FRMPD2: variants seen among roughly 807,000 people sequenced by gnomAD.
FRMPD2 encodes FERM and PDZ domain-containing protein 2.
In FRMPD2, 96 loss-of-function variants were observed where a neutral mutation model predicts 140.1. The ratio of observed to expected loss-of-function variants is 0.69; its 90% CI spans 0.58 to 0.81. The LOEUF (loss-of-function observed/expected upper bound fraction) is 0.81, where lower values mean the gene tolerates loss of function less well. Among genes scored for constraint, FRMPD2 ranks in the 40% least tolerant of loss-of-function variants. The pLI is 0.00. For synonymous variants in FRMPD2, 449 were observed against 547.6 expected (o/e 0.82, Z 2.52); for missense variants, 1,240 against 1,447.4 (o/e 0.86, Z 2.32).
chr10:48,225,044 T>A (rs1228570827), intron 10 of FRMPD2, among the ~76,000 whole-genome samples: 1 of 152,126 alleles, frequency 6.6e-6, no homozygotes, highest in African/African-American at 2.4e-5. Context: ...ATCATACAAG[T>A]TCGTGAGCTT....
chr10:48,173,701 C>T (rs1160141334), intron 24 of FRMPD2, among the ~76,000 whole-genome samples: 5 of 152,134 alleles, frequency 3.3e-5, no homozygotes, highest in African/African-American at 1.2e-4. Context: ...ACCTAAGACC[C>T]AAACCCATGG....
intron 10 of FRMPD2, among the ~76,000 whole-genome samples, chr10:48,224,677 C>T (rs561965206): frequency 2.0e-5 from 3 of 152,262 alleles, no homozygotes; most frequent in African/African-American, 7.2e-5. Flanking sequence ...GAGGTAGTCA[C>T]CTTTGAGTGA....
At chr10:48,254,193 T>C (rs769444876) in intron 1 of FRMPD2, among the ~76,000 whole-genome samples, 4 of 152,230 alleles carry the variant, frequency 2.6e-5, no homozygotes, top group Non-Finnish European at 5.9e-5. Context: ...TGGAATGTTA[T>C]GATCTGTCCG....
chr10:48,274,141 C>T (rs1564446481), intron 1 of FRMPD2, among the ~76,000 whole-genome samples: 2 of 152,186 alleles, frequency 1.3e-5, no homozygotes, highest in African/African-American at 4.8e-5. Flanking sequence ...AAGTGCCTTA[C>T]GCGTGTCACC....
intron 20 of FRMPD2, among the ~76,000 whole-genome samples, chr10:48,184,049 T>C (rs190043005): frequency 2.0e-5 from 3 of 152,076 alleles, no homozygotes; most frequent in Admixed American, 1.3e-4. Context: ...ATGGTCTGTA[T>C]AGCAACCCCT....
At chr10:48,239,173 G>A (rs1840040872) in intron 7 of FRMPD2, among the ~76,000 whole-genome samples, 1 of 152,240 alleles carries the variant, frequency 6.6e-6, no homozygotes, top group Admixed American at 6.5e-5. Context: ...CAAAAAGGCA[G>A]GAAGGCTTTC....
At chr10:48,160,269 G>A (rs1554790634) in intron 28 of FRMPD2, among the ~76,000 whole-genome samples, 9 of 151,670 alleles carry the variant, frequency 5.9e-5, no homozygotes, top group Non-Finnish European at 1.0e-4. Flanking sequence ...GATATAGAGT[G>A]TGAGAAAAGA....
chr10:48,192,180 A>C (rs1478864899), intron 16 of FRMPD2, among the ~76,000 whole-genome samples: 5 of 152,206 alleles, frequency 3.3e-5, no homozygotes, highest in African/African-American at 1.2e-4. Flanking sequence ...TTGGCCCTAG[A>C]GTGTTTAACA....
chr10:48,217,462 C>A (rs1839477319), intron 12 of FRMPD2, among the ~76,000 whole-genome samples: 1 of 152,138 alleles, frequency 6.6e-6, no homozygotes, highest in African/African-American at 2.4e-5. Context: ...GAAAGCAAGA[C>A]AATGTTGGGA....
At chr10:48,185,410 A>T (rs1374436713) in intron 18 of FRMPD2, 143 bp downstream of exon 18, 14 of 632,640 alleles carry the variant, frequency 2.2e-5, no homozygotes, top group African/African-American at 3.7e-5. Flanking sequence ...GGAGAAAAAA[A>T]ACAGAAGTGA....
At chr10:48,237,102 A>G (rs74130209) in intron 8 of FRMPD2, among the ~76,000 whole-genome samples, 5,172 of 149,764 alleles carry the variant, frequency 0.035, 237 homozygotes, top group African/African-American at 0.11. Flanking sequence ...TTTACAGGTG[A>G]GGAAGTTGAG....
In FRMPD2 at chr10:48,187,160, C is replaced by T. The variant is rs762460365; in HGVS notation, c.2266+32G>A. On this transcript the variant is annotated intron_variant, in intron 17 of 28. Transcript: ENST00000374201. ...CAAGCTTCCTGCGTAGGGGTTCCTC[C>T]ACCCAAGACCTGGTCGTGGCCTGGC... is the stretch of plus-strand genomic sequence containing the variant. 8.0e-6 allele frequency: 12 copies of T among 1,504,544 alleles called. 1 individual carries two copies. The South Asian group carries it at 1.3e-4, about 16-fold the overall frequency. 93.2% of individuals were successfully genotyped at this position (1,504,544 alleles called of 1,614,324 possible). A position where few individuals can be genotyped will look rare whatever the true frequency, so the allele number is the denominator to read the frequency against.
rs746192606 is a variant in FRMPD2 at position 48,185,562 on chromosome 10, G to T, written c.2350C>A (p.Arg784Ser). 72 of 1,613,382 alleles carry T rather than the reference G, an allele frequency of 4.5e-5. No homozygotes were observed. The highest frequency in any genetic ancestry group is 1.4e-4 in the South Asian group (13 of 91,066). ...CAGGGAGCCCTCTTACCAAAACCAC[G>T]ATGTGGGTCACGTTTCAGTGTCACA... ...VRVTLKRDPH[R>S]GFGFVINEGE... Residue 784 changes from arginine to serine, a missense_variant, in exon 18 of 29, where the codon CGT becomes AGT. Physicochemically the swap from Arg to Ser is moderately radical, Grantham distance 110. Coordinates refer to ENST00000374201, the MANE Select transcript of FRMPD2 (RefSeq NM_001018071.4).
intron 12 of FRMPD2, among the ~76,000 whole-genome samples, chr10:48,218,927 G>A (rs918234067): frequency 1.3e-5 from 2 of 152,196 alleles, no homozygotes; most frequent in Non-Finnish European, 2.9e-5. Flanking sequence ...TTTTATTCAA[G>A]CCAGCCTGAG....
intron 28 of FRMPD2, among the ~76,000 whole-genome samples, chr10:48,162,153 C>G (rs1388735242): frequency 6.8e-6 from 1 of 147,436 alleles, no homozygotes; most frequent in South Asian, 2.1e-4. Flanking sequence ...ACTGCCTAGA[C>G]TGCAATTGTA....
chr10:48,257,655 T>C (rs1840514533), intron 1 of FRMPD2, among the ~76,000 whole-genome samples: 1 of 152,104 alleles, frequency 6.6e-6, no homozygotes, highest in Admixed American at 6.6e-5. Context: ...TCTCTACCTG[T>C]TTGCCTGAAA....
Position 48,211,857 on chromosome 10 carries a change from C to T in FRMPD2, c.1611+97G>A, listed in dbSNP as rs1176322339. 1.2e-5 allele frequency: 14 copies of T among 1,214,684 alleles called. No homozygotes were observed. In the East Asian group the frequency reaches 3.2e-4, roughly 27 times the overall value. 75.2% of individuals were successfully genotyped at this position (1,214,684 alleles called of 1,614,324 possible). The stretch of plus-strand genomic sequence containing the variant: ...CCCTTGCTCATGCCTCCTTGTGGGT[C>T]TGCACACACCTGGGCCCCTTGAGAA... On this transcript the variant is annotated intron_variant, in intron 13 of 28. Transcript: ENST00000374201.
chr10:48,252,688 G>A lies in FRMPD2; in HGVS notation c.26-997C>T, dbSNP rs1386830856. 2.6e-5 allele frequency among the ~76,000 whole-genome samples: 4 copies of A among 152,186 alleles called. No individual in the cohort carries two copies. In the South Asian group the frequency reaches 6.2e-4, roughly 24 times the overall value. ...GCTACCTCTCCCTGGGGCAGAAAGG[G>A]AGCCGCAGCAGGACCCCCTCAGAAA... On this transcript the variant is annotated intron_variant, in intron 1 of 28. Coordinates refer to ENST00000374201, the MANE Select transcript of FRMPD2 (RefSeq NM_001018071.4).
At chr10:48,210,087 C>A (rs371394091) in intron 13 of FRMPD2, among the ~76,000 whole-genome samples, 1 of 152,056 alleles carries the variant, frequency 6.6e-6, no homozygotes, top group Non-Finnish European at 1.5e-5. Flanking sequence ...TATCTCCAGG[C>A]GGCAGAATTA....
Sources: gnomAD v4.1 joint callset for allele counts (sites outside exome capture counted in the v4.1 genomes callset) on GRCh38, gnomAD v4.1.1 for gene constraint, MANE v1.5 for transcripts, NCBI Gene and HGNC (gene_info 2026-07-23, HGNC 2026-07-21) for gene names.